Variants in SUMF1 observed in about 807,000 individuals in gnomAD.
SUMF1 encodes the protein sulfatase modifying factor 1.
Under a neutral mutation model 47.6 loss-of-function variants are expected in SUMF1, and 48 were observed. That is an observed-to-expected ratio of 1.01 (90% CI 0.80 to 1.28). SUMF1 has a LOEUF of 1.28. Among genes scored for constraint, SUMF1 ranks in the 50% most tolerant of loss-of-function variants. The pLI, the probability that SUMF1 is intolerant of heterozygous loss-of-function variation, is 0.00. For synonymous variants in SUMF1, 230 were observed against 192.1 expected, an observed-to-expected ratio of 1.20 and a Z score of -1.63; for missense variants, 571 against 485.4, an observed-to-expected ratio of 1.18 and a Z score of -1.66.
intron 7 of SUMF1, among the ~76,000 whole-genome samples, chr3:4,388,267 T>C (rs1404644566): frequency 1.3e-5 from 2 of 152,124 alleles, no homozygotes; most frequent in African/African-American, 4.8e-5. Context: ...GCATACACAG[T>C]ATTACTATGT....
At chr3:4,055,554 C>T (rs1207517077) in intron 9 of SUMF1, among the ~76,000 whole-genome samples, 2 of 152,088 alleles carry the variant, frequency 1.3e-5, no homozygotes, top group Non-Finnish European at 2.9e-5. Flanking sequence ...GTGATCATAG[C>T]TCACTGTAAT....
intron 8 of SUMF1, among the ~76,000 whole-genome samples, chr3:4,351,107 G>A (rs1402118264): frequency 6.6e-6 from 1 of 152,202 alleles, no homozygotes; most frequent in African/African-American, 2.4e-5. Context: ...AAAGCTCACA[G>A]GCAATCATCA....
chr3:4,366,836 A>G (rs1699978846), intron 8 of SUMF1, among the ~76,000 whole-genome samples: 2 of 151,628 alleles, frequency 1.3e-5, no homozygotes, highest in South Asian at 2.1e-4. Flanking sequence ...TTTTTTCCCC[A>G]TCTTTGGGGT....
intron 8 of SUMF1, among the ~76,000 whole-genome samples, chr3:4,261,467 C>G (rs1697083710): frequency 6.6e-6 from 1 of 152,174 alleles, no homozygotes. Context: ...AATTTGCTGT[C>G]TAGTTTGGAA....
At chr3:4,376,249 A>G (rs972607708) in intron 8 of SUMF1, 81 bp downstream of exon 8, 1 of 1,519,614 alleles carries the variant, frequency 6.6e-7, no homozygotes, top group African/African-American at 1.4e-5. Flanking sequence ...TGAATGAGAC[A>G]TTTGGGGCTA....
intron 8 of SUMF1, chr3:4,303,805 C>T (rs1305436636): frequency 7.1e-7 from 1 of 1,400,792 alleles, no homozygotes; most frequent in Admixed American, 2.2e-5. Flanking sequence ...GTCCTGTCCT[C>T]AGAACTCAAG....
intron 8 of SUMF1, 68 bp downstream of exon 8, chr3:4,376,262 A>G: frequency 6.4e-7 from 1 of 1,573,376 alleles, no homozygotes; most frequent in Admixed American, 1.7e-5. Context: ...TGGGGCTATC[A>G]TTTACAATGG....
At chr3:4,061,978 A>T (rs795725) in intron 9 of SUMF1, among the ~76,000 whole-genome samples, 148,723 of 152,094 alleles carry the variant, frequency 0.98, 72,783 homozygotes, top group Middle Eastern at 1. Flanking sequence ...GTCCCACTGG[A>T]CAGTTCATTT....
intron 8 of SUMF1, chr3:4,303,296 A>C (rs1698020162): frequency 7.1e-7 from 1 of 1,407,098 alleles, no homozygotes. Flanking sequence ...CGGTGGGGCC[A>C]CGGGACCACA....
intron 9 of SUMF1, among the ~76,000 whole-genome samples, chr3:4,066,608 T>C (rs1574853293): frequency 6.6e-6 from 1 of 152,134 alleles, no homozygotes; most frequent in Non-Finnish European, 1.5e-5. Flanking sequence ...ACTGCTTCCT[T>C]ACTCTTTCTT....
intron 3 of SUMF1, among the ~76,000 whole-genome samples, chr3:4,440,386 A>G (rs1364018073): frequency 6.6e-6 from 1 of 152,172 alleles, no homozygotes; most frequent in Non-Finnish European, 1.5e-5. Flanking sequence ...TTAACTTAGT[A>G]AAGCTTTTCT....
At chr3:4,117,878 G>T (rs1036612972) in intron 8 of SUMF1, among the ~76,000 whole-genome samples, 2 of 151,824 alleles carry the variant, frequency 1.3e-5, no homozygotes, top group Non-Finnish European at 2.9e-5. Flanking sequence ...AAGTTGAGAC[G>T]GCATGACAGC....
downstream of SUMF1, among the ~76,000 whole-genome samples, chr3:4,357,101 T>C (rs1699636012): frequency 6.6e-6 from 1 of 152,144 alleles, no homozygotes; most frequent in African/African-American, 2.4e-5. Context: ...TGTTCCTCCA[T>C]AGCCAGCCTG....
intron 3 of SUMF1, among the ~76,000 whole-genome samples, chr3:4,437,196 C>A (rs1702430776): frequency 6.6e-6 from 1 of 152,118 alleles, no homozygotes; most frequent in Non-Finnish European, 1.5e-5. Context: ...AAGTATTAAC[C>A]ATGTCTAATT....
chr3:4,379,749 G>A (rs1035304412), intron 7 of SUMF1, among the ~76,000 whole-genome samples: 5 of 149,962 alleles, frequency 3.3e-5, no homozygotes, highest in Admixed American at 2.0e-4. Flanking sequence ...GGCTGAGGCA[G>A]GAGAATCACT....
At chr3:4,143,408 T>C (rs1559507053) in intron 8 of SUMF1, among the ~76,000 whole-genome samples, 1 of 152,020 alleles carries the variant, frequency 6.6e-6, no homozygotes, top group Non-Finnish European at 1.5e-5. Flanking sequence ...TGAGTTTTCT[T>C]TTTTCCTAAG....
At chr3:4,229,974 T>C (rs1014418616) in intron 8 of SUMF1, among the ~76,000 whole-genome samples, 1 of 151,844 alleles carries the variant, frequency 6.6e-6, no homozygotes, top group East Asian at 1.9e-4. Context: ...AATTGCTCCA[T>C]TGCACTCCAG....
At chr3:4,248,719 A>G (rs910701567) in intron 8 of SUMF1, among the ~76,000 whole-genome samples, 4 of 152,192 alleles carry the variant, frequency 2.6e-5, no homozygotes, top group Non-Finnish European at 5.9e-5. Context: ...AAATGCAATC[A>G]TTCAGTGTAT....
chr3:4,110,272 C>T (rs964520655), intron 8 of SUMF1, among the ~76,000 whole-genome samples: 1 of 152,058 alleles, frequency 6.6e-6, no homozygotes, highest in Admixed American at 6.5e-5. Flanking sequence ...GCTGCCTGAT[C>T]GTTCCTCTGG....
Sources: allele counts gnomAD v4.1 joint callset (sites outside exome capture counted in the v4.1 genomes callset), GRCh38; gene constraint gnomAD v4.1.1; transcripts MANE v1.5; gene names NCBI Gene and HGNC (gene_info 2026-07-23, HGNC 2026-07-21).